Variants in XPR1 observed in about 807,000 individuals in gnomAD.
XPR1 encodes solute carrier family 53 member 1.
XPR1 carries 28 observed loss-of-function variants against 87.5 expected under a neutral mutation model. The ratio of observed to expected loss-of-function variants is 0.32; its 90% CI spans 0.24 to 0.44. XPR1 has a LOEUF of 0.44. XPR1 is among the 20% of genes least tolerant of loss of function. XPR1 has a pLI of 1.00. For missense variants in XPR1, 559 were observed against 862.3 expected (o/e 0.65, Z 4.41); for synonymous variants, 300 against 306.1 (o/e 0.98, Z 0.21).
intron 1 of XPR1, among the ~76,000 whole-genome samples, chr1:180,669,295 A>AT (rs1288887365): frequency 6.6e-6 from 1 of 151,874 alleles, no homozygotes; most frequent in Non-Finnish European, 1.5e-5. Context: ...ATAAGTATGT[A>AT]TTTTTTTCTC....
chr1:180,671,151 A>G (rs1656155480), intron 1 of XPR1, among the ~76,000 whole-genome samples: 1 of 152,162 alleles, frequency 6.6e-6, no homozygotes, highest in South Asian at 2.1e-4. Context: ...GGTAGATTGG[A>G]CCATTCTTTG....
chr1:180,729,781 A>G (rs1371287908), intron 2 of XPR1, among the ~76,000 whole-genome samples: 2 of 152,068 alleles, frequency 1.3e-5, no homozygotes, highest in African/African-American at 4.8e-5. Context: ...TAAGTTCCTT[A>G]TAGATTCTGG....
chr1:180,672,920 C>G (rs1260285611), intron 1 of XPR1, among the ~76,000 whole-genome samples: 1 of 152,140 alleles, frequency 6.6e-6, no homozygotes, highest in Non-Finnish European at 1.5e-5. Flanking sequence ...TTTATGAGCA[C>G]AAATATTCCT....
rs1647938948 is a variant in XPR1 at position 180,759,976 on chromosome 1, T to C, written c.122-27777T>C. ...TGTTCAACATACGCAAATCAATAAA[T>C]GTAATCCAGCATATAAACAGAACCA... On this transcript the variant is annotated intron_variant, in intron 2 of 14. Transcript: ENST00000367590. 3.3e-5 allele frequency among the ~76,000 whole-genome samples: 5 copies of C among 152,314 alleles called. No individual in the cohort carries two copies. The East Asian group carries it at 5.8e-4, about 18-fold the overall frequency.
At chr1:180,715,052 A>T (rs529012362) in intron 2 of XPR1, among the ~76,000 whole-genome samples, 5 of 152,338 alleles carry the variant, frequency 3.3e-5, no homozygotes, top group African/African-American at 1.2e-4. Context: ...TTAGGAAAAT[A>T]TGGGAAAAGG....
At chr1:180,851,881 T>G (rs531650521) in intron 11 of XPR1, among the ~76,000 whole-genome samples, 2 of 152,196 alleles carry the variant, frequency 1.3e-5, no homozygotes, top group African/African-American at 4.8e-5. Context: ...TCTATATGGA[T>G]AATAAATTGA....
At chr1:180,685,477 G>GT (rs1557956394) in intron 2 of XPR1, among the ~76,000 whole-genome samples, 1 of 152,236 alleles carries the variant, frequency 6.6e-6, no homozygotes, top group East Asian at 1.9e-4. Flanking sequence ...CCAGGCTTTG[G>GT]TATCAGGATG....
intron 2 of XPR1, among the ~76,000 whole-genome samples, chr1:180,685,222 T>C (rs1451868632): frequency 6.6e-6 from 1 of 152,248 alleles, no homozygotes; most frequent in Non-Finnish European, 1.5e-5. Context: ...TCAATGGCCT[T>C]TTCTGCATCT....
intron 3 of XPR1, among the ~76,000 whole-genome samples, chr1:180,798,198 A>G (rs1649656124): frequency 6.6e-6 from 1 of 152,130 alleles, no homozygotes. Context: ...TGTAAAGGAG[A>G]GCATGAAAAC....
At chr1:180,666,498 C>G (rs1655967341) in intron 1 of XPR1, among the ~76,000 whole-genome samples, 1 of 152,102 alleles carries the variant, frequency 6.6e-6, no homozygotes, top group African/African-American at 2.4e-5. Context: ...ATGTCTTTCC[C>G]TTATTTGGGT....
chr1:180,837,191 C>T lies in XPR1; in HGVS notation c.1501+475C>T, dbSNP rs541962443. Among the ~76,000 whole-genome samples the T allele has an allele frequency of 9.9e-4, 150 of 152,244 alleles. 1 individual carries two copies. Among genetic ancestry groups the T allele is most frequent in the African/African-American group, 3.3e-3 (139 of 41,544 alleles). Reference sequence around the variant, plus strand: ...CTCTAGTTTCTCATCTCCATGGCAACGTATTATTACTTGAGACTGCTCTTC... The same window carrying T: ...CTCTAGTTTCTCATCTCCATGGCAATGTATTATTACTTGAGACTGCTCTTC... On this transcript the variant is annotated intron_variant, in intron 11 of 14. Coordinates refer to ENST00000367590, the MANE Select transcript of XPR1 (RefSeq NM_004736.4).
chr1:180,684,910 A>C (rs993641698), intron 2 of XPR1, among the ~76,000 whole-genome samples: 3 of 152,208 alleles, frequency 2.0e-5, no homozygotes, highest in African/African-American at 7.2e-5. Flanking sequence ...TTTTCTAGAT[A>C]TACAATCATG....
chr1:180,787,502 C>A (rs1193424188), intron 2 of XPR1, among the ~76,000 whole-genome samples: 1 of 152,126 alleles, frequency 6.6e-6, no homozygotes, highest in Non-Finnish European at 1.5e-5. Context: ...TGGTCTTGAA[C>A]TCCTGACTTC....
intron 3 of XPR1, among the ~76,000 whole-genome samples, chr1:180,801,747 AT>A (rs1156438775): frequency 6.6e-6 from 1 of 151,858 alleles, no homozygotes; most frequent in East Asian, 1.9e-4. Context: ...TTATTATATA[AT>A]TTTTATCATT....
At chr1:180,810,494 A>G (rs2102129234) in intron 6 of XPR1, among the ~76,000 whole-genome samples, 1 of 151,942 alleles carries the variant, frequency 6.6e-6, no homozygotes, top group Admixed American at 6.6e-5. Context: ...GTGGGGAATC[A>G]CTTGAGTCTG....
At chr1:180,686,021 T>C (rs1656760852) in intron 2 of XPR1, among the ~76,000 whole-genome samples, 1 of 152,224 alleles carries the variant, frequency 6.6e-6, no homozygotes, top group African/African-American at 2.4e-5. Context: ...TTTCTTGCCT[T>C]CTGCTAGCTT....
intron 1 of XPR1, among the ~76,000 whole-genome samples, chr1:180,645,410 A>G (rs1655089956): frequency 6.6e-6 from 1 of 152,210 alleles, no homozygotes; most frequent in Non-Finnish European, 1.5e-5. Context: ...CCATAATTCC[A>G]GTTTGGCTTT....
intron 2 of XPR1, among the ~76,000 whole-genome samples, chr1:180,731,660 A>G: frequency 6.6e-6 from 1 of 152,252 alleles, no homozygotes; most frequent in African/African-American, 2.4e-5. Flanking sequence ...ATTAAATTTA[A>G]TACTATTTTA....
intron 2 of XPR1, among the ~76,000 whole-genome samples, chr1:180,745,971 C>T (rs1659075030): frequency 6.6e-6 from 1 of 152,214 alleles, no homozygotes; most frequent in African/African-American, 2.4e-5. Context: ...AATTTATCAT[C>T]TCATAGTTCT....
Sources: gnomAD v4.1 joint callset for allele counts (sites outside exome capture counted in the v4.1 genomes callset) on GRCh38, gnomAD v4.1.1 for gene constraint, MANE v1.5 for transcripts, NCBI Gene and HGNC (gene_info 2026-07-23, HGNC 2026-07-21) for gene names.